Variants in TAFA2 observed in about 807,000 individuals in gnomAD.
TAFA2 encodes the protein chemokine-like protein TAFA-2.
In TAFA2, 7 loss-of-function variants were observed where a neutral mutation model predicts 18.8. That is an observed-to-expected ratio of 0.37 (90% CI 0.21 to 0.70). The LOEUF (loss-of-function observed/expected upper bound fraction) is 0.70, where lower values mean the gene tolerates loss of function less well. TAFA2 is among the 30% of genes least tolerant of loss of function. TAFA2 has a pLI of 0.53. For missense variants in TAFA2, 122 were observed against 158.1 expected, an observed-to-expected ratio of 0.77 and a Z score of 1.23; for synonymous variants, 60 against 54.2, an observed-to-expected ratio of 1.11 and a Z score of -0.47.
chr12:61,954,636 G>A (rs1316436945), intron 1 of TAFA2, among the ~76,000 whole-genome samples: 2 of 152,116 alleles, frequency 1.3e-5, no homozygotes, highest in African/African-American at 4.8e-5. Flanking sequence ...CCATGGGTAA[G>A]GTGGGCACAG....
chr12:62,069,867 T>C (rs1259529284), intron 1 of TAFA2, among the ~76,000 whole-genome samples: 1 of 152,248 alleles, frequency 6.6e-6, no homozygotes, highest in Non-Finnish European at 1.5e-5. Flanking sequence ...ATAACACTTT[T>C]ATTTAGATTA....
At chr12:61,842,100 G>A (rs534826715) in intron 2 of TAFA2, among the ~76,000 whole-genome samples, 9 of 150,418 alleles carry the variant, frequency 6.0e-5, no homozygotes, top group South Asian at 2.1e-4. Context: ...TTTTTTTTTC[G>A]CTCAAGATTC....
At position 61,726,877 on chromosome 12, in the gene TAFA2, C is replaced by T. The variant is rs114530105; in HGVS notation, c.385-16460G>A. Among the ~76,000 whole-genome samples the T allele has an allele frequency of 2.6e-3, 401 of 152,156 alleles. 4 individuals carry two copies. Among genetic ancestry groups the T allele is most frequent in the African/African-American group, 9.2e-3 (380 of 41,528 alleles). On this transcript the variant is annotated intron_variant, in intron 4 of 4. Transcript: ENST00000416284. ...TTGGCTGTGGGTTTGTCATGAATGG[C>T]TTTTATTATCTTAAGGTATGTCCCT...
intron 2 of TAFA2, among the ~76,000 whole-genome samples, chr12:61,863,227 A>T (rs553012627): frequency 1.3e-5 from 2 of 152,314 alleles, no homozygotes; most frequent in African/African-American, 4.8e-5. Context: ...AGAGAGAGAG[A>T]AAAGGAGTTC....
At chr12:62,166,278 A>G (rs768050985) in intron 1 of TAFA2, among the ~76,000 whole-genome samples, 11 of 152,150 alleles carry the variant, frequency 7.2e-5, no homozygotes, top group Non-Finnish European at 1.5e-4. Context: ...TCTTTTGGCA[A>G]TTTGGTATAA....
intron 2 of TAFA2, among the ~76,000 whole-genome samples, chr12:61,766,339 C>A (rs1869788543): frequency 6.6e-6 from 1 of 152,086 alleles, no homozygotes; most frequent in South Asian, 2.1e-4. Context: ...TGTGTTGCAT[C>A]CTACACTGAA....
intron 1 of TAFA2, among the ~76,000 whole-genome samples, chr12:62,203,041 C>T (rs969884040): frequency 5.9e-5 from 9 of 151,412 alleles, no homozygotes; most frequent in Admixed American, 2.6e-4. Context: ...TGACCAGGCT[C>T]GTCTTGAACT....
rs1265280922 is a variant in TAFA2 at position 62,075,504 on chromosome 12, C to T, written c.-2+115755G>A. Among the ~76,000 whole-genome samples the T allele has an allele frequency of 3.9e-5, 6 of 152,288 alleles. No individual in the cohort carries two copies. In the East Asian group the frequency reaches 9.7e-4, roughly 25 times the overall value. Reference sequence around the variant, plus strand: ...ACTGGACCCAGATTAGACTCTCTCCCCCTTCTCACAGCTAGACTGGTCACA... The same window carrying T: ...ACTGGACCCAGATTAGACTCTCTCCTCCTTCTCACAGCTAGACTGGTCACA... On this transcript the variant is annotated intron_variant, in intron 1 of 4. Transcript: ENST00000416284.
At chr12:61,952,525 G>T (rs1055990790) in intron 1 of TAFA2, among the ~76,000 whole-genome samples, 1 of 151,816 alleles carries the variant, frequency 6.6e-6, no homozygotes, top group African/African-American at 2.4e-5. Context: ...TTCTTGCTCA[G>T]ATCAACGCGA....
intron 1 of TAFA2, among the ~76,000 whole-genome samples, chr12:61,936,241 T>C (rs1320850636): frequency 6.6e-6 from 1 of 152,082 alleles, no homozygotes; most frequent in Non-Finnish European, 1.5e-5. Flanking sequence ...TATGATCATC[T>C]CAATAGATGC....
At chr12:61,996,554 G>T (rs1033945445) in intron 1 of TAFA2, among the ~76,000 whole-genome samples, 1 of 152,160 alleles carries the variant, frequency 6.6e-6, no homozygotes, top group Non-Finnish European at 1.5e-5. Context: ...CCAGTCTTCT[G>T]TGTCTCAGGT....
intron 1 of TAFA2, chr12:61,880,446 A>G (rs1327030237): frequency 3.7e-6 from 2 of 539,082 alleles, no homozygotes; most frequent in Admixed American, 3.9e-5. Context: ...CGTGTATACC[A>G]GGAGCTGATG....
chr12:62,154,136 A>T (rs1450539139), intron 1 of TAFA2, among the ~76,000 whole-genome samples: 3 of 152,072 alleles, frequency 2.0e-5, no homozygotes, highest in Non-Finnish European at 2.9e-5. Context: ...TGTGATGGTT[A>T]TTTGTTTTCA....
At chr12:62,165,655 CTG>C (rs942723320) in intron 1 of TAFA2, among the ~76,000 whole-genome samples, 1 of 152,078 alleles carries the variant, frequency 6.6e-6, no homozygotes, top group African/African-American at 2.4e-5. Context: ...AGAGATATCT[CTG>C]TGTTTCCTCA....
intron 1 of TAFA2, among the ~76,000 whole-genome samples, chr12:61,877,903 T>TTATATA (rs1319686903): frequency 1.0e-4 from 15 of 144,016 alleles, no homozygotes; most frequent in African/African-American, 3.1e-4. Flanking sequence ...ATTGTGATTT[T>TTATATA]TATATATATA....
chr12:62,014,174 A>G (rs1281889745), intron 1 of TAFA2, among the ~76,000 whole-genome samples: 1 of 152,260 alleles, frequency 6.6e-6, no homozygotes. Flanking sequence ...AATAAAATAC[A>G]AAGAATTATA....
Position 62,157,542 on chromosome 12 carries a change from G to C in TAFA2, c.-2+33717C>G, listed in dbSNP as rs527817744. Among the ~76,000 whole-genome samples the C allele has an allele frequency of 2.6e-5, 4 of 152,234 alleles. No homozygotes were observed. In the East Asian group the frequency reaches 7.7e-4, roughly 29 times the overall value. On this transcript the variant is annotated intron_variant, in intron 1 of 4. Transcript: ENST00000416284. ...CACCACGGCTGATGAACCACTCTGC[G>C]GTCCAGTCTGCCCTACCTGGCTCCA...
chr12:62,257,174 G>A (rs139727853), intron 1 of TAFA2, among the ~76,000 whole-genome samples: 1,192 of 5,774 alleles, frequency 0.21, 22 homozygotes, highest in Middle Eastern at 0.33. Context: ...GTGTGTGTGT[G>A]TGTGTGTGTG....
intron 1 of TAFA2, among the ~76,000 whole-genome samples, chr12:61,915,245 T>C (rs770261915): frequency 1.3e-5 from 2 of 152,218 alleles, no homozygotes; most frequent in Non-Finnish European, 2.9e-5. Context: ...TCTCTTTCGA[T>C]TAATAGAGTT....
Sources: gnomAD v4.1 joint callset for allele counts (sites outside exome capture counted in the v4.1 genomes callset) on GRCh38, gnomAD v4.1.1 for gene constraint, MANE v1.5 for transcripts, NCBI Gene and HGNC (gene_info 2026-07-23, HGNC 2026-07-21) for gene names.